Variants in EDC4 observed in about 807,000 individuals in gnomAD.
The protein encoded by EDC4 is enhancer of mRNA decapping 4, also known as enhancer of mRNA-decapping protein 4.
A neutral mutation model predicts 155.8 loss-of-function variants in EDC4; 64 were observed. The ratio of observed to expected loss-of-function variants is 0.41; its 90% CI spans 0.34 to 0.51. The LOEUF is 0.51. EDC4 is among the 20% of genes least tolerant of loss of function. The pLI is 0.19. For synonymous variants in EDC4, 684 were observed against 716.8 expected (o/e 0.95, Z 0.73); for missense variants, 1,303 against 1,812.5 (o/e 0.72, Z 5.10).
chr16:67,877,027 A>G lies in EDC4; in HGVS notation c.451+55A>G. ...GTTCTGCTGGATGTCCCACAGAGCCAGTTCCAACATCAGGCCACTCAGGCC... is the reference window on the plus strand; with the variant it reads ...GTTCTGCTGGATGTCCCACAGAGCCGGTTCCAACATCAGGCCACTCAGGCC... On this transcript the variant is annotated intron_variant, in intron 4 of 28. Transcript: ENST00000358933. The surrounding 1 kb of genome is among the most constrained non-coding windows in gnomAD (Gnocchi z 4.9). 6.2e-7 allele frequency: 1 copy of G among 1,603,876 alleles called. No individual in the cohort carries two copies. The highest frequency in any genetic ancestry group is 1.1e-5 in the South Asian group (1 of 89,546).
chr16:67,878,018 G>A lies in EDC4; in HGVS notation c.895-148G>A. ...TCTCCTTATCTAGCAGCACCCTGCAGGTCTGGCCTTCTCTAGGAACCCTGT... is the reference window on the plus strand; with the variant it reads ...TCTCCTTATCTAGCAGCACCCTGCAAGTCTGGCCTTCTCTAGGAACCCTGT... On this transcript the variant is annotated intron_variant, in intron 7 of 28. Transcript: ENST00000358933. This position sits in a 1 kb window ranked among gnomAD's most constrained non-coding sequence, Gnocchi z 5.2. 6.7e-7 allele frequency: 1 copy of A among 1,489,116 alleles called. No individual in the cohort carries two copies. Among genetic ancestry groups the A allele is most frequent in the Non-Finnish European group, 9.0e-7 (1 of 1,107,974 alleles). 92.2% of individuals were successfully genotyped at this position (1,489,116 alleles called of 1,614,324 possible).
chr16:67,880,572 T>G lies in EDC4; in HGVS notation c.2113T>G (p.Ser705Ala), dbSNP rs1161814145. 2 of 1,613,928 alleles carry G rather than the reference T, an allele frequency of 1.2e-6. No individual in the cohort carries two copies. The highest frequency in any genetic ancestry group is 1.7e-6 in the Non-Finnish European group (2 of 1,179,986). Residue 705 changes from serine to alanine, a missense_variant, in exon 18 of 29, where the codon TCT (serine) becomes GCT (alanine). Transcript: ENST00000358933. This position sits in a 1 kb window ranked among gnomAD's most constrained non-coding sequence, Gnocchi z 5.2. ...KGPGQVPTATSALSLELQEVE... is the reference protein window; with the variant it reads ...KGPGQVPTATAALSLELQEVE... ...CCCACCTCAGGTGCCTACTGCCACC[T>G]CTGCACTGTCCCTGGAGCTGCAGGA...
rs549206305 is a variant in EDC4, at chr16:67,873,412, T to C, written c.82+69T>C. The C allele has an allele frequency of 2.7e-4, 331 of 1,244,974 alleles. 1 individual carries two copies. The highest frequency in any genetic ancestry group is 2.0e-3 in the South Asian group (120 of 59,964). 77.1% of individuals were successfully genotyped at this position (1,244,974 alleles called of 1,614,324 possible). A position where few individuals can be genotyped will look rare whatever the true frequency, so the allele number is the denominator to read the frequency against. ...AGGGCGGCGCGCGTCTGAACCGCCA[T>C]TGGGGCCCACAGCTCCCTTAGGACT... On this transcript the variant is annotated intron_variant, in intron 1 of 28. Coordinates refer to ENST00000358933, the MANE Select transcript of EDC4 (RefSeq NM_014329.5).
In EDC4 at chr16:67,876,036, T is replaced by C; in HGVS notation, c.174T>C (p.Ser58=). The change falls in exon 2 of 29, where the codon AGT becomes AGC. Residue 58 remains serine, a synonymous_variant. Coordinates refer to ENST00000358933, the MANE Select transcript of EDC4 (RefSeq NM_014329.5). The surrounding 1 kb of genome is among the most constrained non-coding windows in gnomAD (Gnocchi z 5.8). ...LVPDPLCSGD[S]TSANKTGLRT... ...CAGACCCGCTCTGCTCAGGTGATAG[T>C]ACCTCAGCAAACAAGACTGGTCTTC... The C allele has an allele frequency of 1.9e-6, 3 of 1,614,226 alleles. No homozygotes were observed. In the South Asian group the frequency reaches 3.3e-5, roughly 18 times the overall value.
At position 67,884,059 on chromosome 16, in the gene EDC4, C is replaced by T; in HGVS notation, c.4117C>T (p.Leu1373=). The change falls in exon 29 of 29, where the codon CTG becomes TTG. Residue 1373 remains leucine, a synonymous_variant. Coordinates refer to ENST00000358933, the MANE Select transcript of EDC4 (RefSeq NM_014329.5). This position sits in a 1 kb window ranked among gnomAD's most constrained non-coding sequence, Gnocchi z 4.1. ...AQVRQKLFQF[L]QAEPHNSLGK... is the part of the protein sequence containing the mutation. ...GGTGCGCCAAAAGCTTTTTCAGTTCCTGCAGGCTGAGCCACACAACTCACT... is the reference window on the plus strand; with the variant it reads ...GGTGCGCCAAAAGCTTTTTCAGTTCTTGCAGGCTGAGCCACACAACTCACT... 2 of 1,614,156 alleles carry T rather than the reference C, an allele frequency of 1.2e-6. No individual in the cohort carries two copies. Among genetic ancestry groups the T allele is most frequent in the East Asian group, 4.5e-5 (2 of 44,884 alleles).
In EDC4 at chr16:67,883,825, C is replaced by A. The variant is rs992460468; in HGVS notation, c.4013+94C>A. On this transcript the variant is annotated intron_variant, in intron 28 of 28. Transcript: ENST00000358933. The surrounding 1 kb of genome is among the most constrained non-coding windows in gnomAD (Gnocchi z 5.3). ...GCTGACGCCCACTTCTGCCTGAATC[C>A]TCTCCCTAATTTTCTCCACCAGTCC... 9 of 1,549,878 alleles carry A rather than the reference C, an allele frequency of 5.8e-6. No individual in the cohort carries two copies. Among genetic ancestry groups the A allele is most frequent in the Admixed American group, 3.5e-5 (2 of 57,518 alleles).
In EDC4 at chr16:67,878,330, C is replaced by T. The variant is rs1207040062; in HGVS notation, c.1005-30C>T. On this transcript the variant is annotated intron_variant, in intron 8 of 28. Transcript: ENST00000358933. This position sits in a 1 kb window ranked among gnomAD's most constrained non-coding sequence, Gnocchi z 5.2. ...TCCCGAGGTAGCCCACCCGACCACT[C>T]ACTCAGGCCCCTCATCTGCCTACCT... 6 of 1,614,242 alleles carry T rather than the reference C, an allele frequency of 3.7e-6. No individual in the cohort carries two copies. Among genetic ancestry groups the T allele is most frequent in the Non-Finnish European group, 5.1e-6 (6 of 1,180,042 alleles).
Position 67,881,911 on chromosome 16 carries a change from A to C in EDC4, c.3005-43A>C. 1 of 1,602,716 alleles carries C rather than the reference A, an allele frequency of 6.2e-7. No homozygotes were observed. Among genetic ancestry groups the C allele is most frequent in the Non-Finnish European group, 8.5e-7 (1 of 1,171,464 alleles). On this transcript the variant is annotated intron_variant, in intron 22 of 28. Coordinates refer to ENST00000358933, the MANE Select transcript of EDC4 (RefSeq NM_014329.5). This position sits in a 1 kb window ranked among gnomAD's most constrained non-coding sequence, Gnocchi z 5.4. ...GGGCAGCATTCTTGGCCTGGGAAGG[A>C]GTACACGACCTGCTCCAGGCCCGTT...
At position 67,883,551 on chromosome 16, in the gene EDC4, G is replaced by A. The variant is rs375219878; in HGVS notation, c.3850-17G>A. ...CCTGATATTTGCTATAAACACTGCTGCTTTTTTCTCCTCCAGGCGCTGACA... is the reference window on the plus strand; with the variant it reads ...CCTGATATTTGCTATAAACACTGCTACTTTTTTCTCCTCCAGGCGCTGACA... On this transcript the variant is annotated splice_polypyrimidine_tract_variant and intron_variant, in intron 27 of 28. Transcript: ENST00000358933. This position sits in a 1 kb window ranked among gnomAD's most constrained non-coding sequence, Gnocchi z 5.3. 9.2e-5 allele frequency: 149 copies of A among 1,611,722 alleles called. No individual in the cohort carries two copies. Among genetic ancestry groups the A allele is most frequent in the Non-Finnish European group, 1.2e-4 (145 of 1,179,828 alleles).
In EDC4 at chr16:67,881,408, A is replaced by G. The variant is rs907278772; in HGVS notation, c.2780A>G (p.Lys927Arg). The G allele has an allele frequency of 1.9e-6, 3 of 1,614,142 alleles. No homozygotes were observed. Among genetic ancestry groups the G allele is most frequent in the Non-Finnish European group, 2.5e-6 (3 of 1,180,010 alleles). ...TSPKLKRKSK[K>R]DDGDAAMGSR... is the part of the protein sequence containing the mutation. ...CCCAAGCTCAAGAGGAAAAGCAAGAAGGATGATGGGTAGGGAGAAATCCTA... is the reference window on the plus strand; with the variant it reads ...CCCAAGCTCAAGAGGAAAAGCAAGAGGGATGATGGGTAGGGAGAAATCCTA... Residue 927 changes from lysine (K) to arginine (R), a missense_variant, in exon 20 of 29, where the codon AAG (lysine) becomes AGG (arginine). Coordinates refer to ENST00000358933, the MANE Select transcript of EDC4 (RefSeq NM_014329.5). This position sits in a 1 kb window ranked among gnomAD's most constrained non-coding sequence, Gnocchi z 5.4.
At position 67,877,883 on chromosome 16, in the gene EDC4, C is replaced by T. The variant is rs865900738; in HGVS notation, c.894+38C>T. On this transcript the variant is annotated intron_variant, in intron 7 of 28. Transcript: ENST00000358933. This position sits in a 1 kb window ranked among gnomAD's most constrained non-coding sequence, Gnocchi z 4.9. ...CTGCCTGCCTCCCCTGCCCTCCCCA[C>T]TTCCTCATATCCATCTTCTGTTCCC... 1 of 1,611,526 alleles carries T rather than the reference C, an allele frequency of 6.2e-7. No individual in the cohort carries two copies. Among genetic ancestry groups the T allele is most frequent in the African/African-American group, 1.3e-5 (1 of 74,992 alleles).
Position 67,877,154 on chromosome 16 carries a change from C to G in EDC4, c.452-63C>G, listed in dbSNP as rs137891960. On this transcript the variant is annotated intron_variant, in intron 4 of 28. Transcript: ENST00000358933. This position sits in a 1 kb window ranked among gnomAD's most constrained non-coding sequence, Gnocchi z 4.9. ...GGTGGCAGGGAGACAGGTGGGGCAG[C>G]GCTTCTCTGCTACTGCCTGAGCCTG... 6.8e-4 allele frequency: 1,053 copies of G among 1,551,080 alleles called. 11 individuals are homozygous for G. The African/African-American group carries it at 0.013, about 19-fold the overall frequency.
chr16:67,875,874 G>A, intron 1 of EDC4, 71 bp from the exon 2 acceptor site: 1 of 1,557,118 alleles, frequency 6.4e-7, no homozygotes, highest in South Asian at 1.2e-5. Flanking sequence ...GTTCTTGAAG[G>A]AAACTCTGAA....
chr16:67,875,862 T>G (rs1408041686), intron 1 of EDC4, 83 bp from the exon 2 acceptor site: 2 of 1,546,912 alleles, frequency 1.3e-6, no homozygotes, highest in African/African-American at 1.4e-5. Context: ...GAGCACCTCA[T>G]AGTTCTTGAA....
chr16:67,876,179 G>A lies in EDC4; in HGVS notation c.239+78G>A. 3.4e-6 allele frequency: 5 copies of A among 1,474,906 alleles called. No homozygotes were observed. The Admixed American group carries it at 5.3e-5, about 16-fold the overall frequency. 91.4% of individuals were successfully genotyped at this position (1,474,906 alleles called of 1,614,324 possible). A position where few individuals can be genotyped will look rare whatever the true frequency, so the allele number is the denominator to read the frequency against. ...TAGCTGAAGGCATGAGATGGGGAGT[G>A]AGCGGGGCCAGCAGCCTCTGCTGCT... On this transcript the variant is annotated intron_variant, in intron 2 of 28. Coordinates refer to ENST00000358933, the MANE Select transcript of EDC4 (RefSeq NM_014329.5). The surrounding 1 kb of genome is among the most constrained non-coding windows in gnomAD (Gnocchi z 5.8).
In EDC4 at chr16:67,881,410, G is replaced by T; in HGVS notation, c.2782G>T (p.Asp928Tyr). Residue 928 changes from aspartate (D) to tyrosine (Y), a missense_variant, in exon 20 of 29, where the codon GAT becomes TAT. Asp to Tyr is a radical substitution (Grantham distance 160, BLOSUM62 -3). Around this residue, in one of 5 missense-constraint regions of EDC4, gnomAD observed 527 missense variants for 757.0 expected, o/e 0.70. Transcript: ENST00000358933. This position sits in a 1 kb window ranked among gnomAD's most constrained non-coding sequence, Gnocchi z 5.4. ...CAAGCTCAAGAGGAAAAGCAAGAAG[G>T]ATGATGGGTAGGGAGAAATCCTAGG... Reference protein sequence around the residue: ...SPKLKRKSKKDDGDAAMGSRL... With the variant: ...SPKLKRKSKKYDGDAAMGSRL... 6.2e-7 allele frequency: 1 copy of T among 1,614,120 alleles called. No homozygotes were observed. The highest frequency in any genetic ancestry group is 8.5e-7 in the Non-Finnish European group (1 of 1,179,990).
At position 67,883,240 on chromosome 16, in the gene EDC4, C is replaced by G; in HGVS notation, c.3849+63C>G. 1 of 1,493,510 alleles carries G rather than the reference C, an allele frequency of 6.7e-7. No individual in the cohort carries two copies. The highest frequency in any genetic ancestry group is 1.3e-5 in the South Asian group (1 of 77,144). The allele number at this position is 1,493,510 out of a possible 1,614,324, so 92.5% of individuals were successfully genotyped here. A position where few individuals can be genotyped will look rare whatever the true frequency, so the allele number is the denominator to read the frequency against. Reference sequence around the variant, plus strand: ...CTCTTGACAAGGCCCACATACCATACATTCTACTCCACCCACCACCTTTGC... The same window carrying G: ...CTCTTGACAAGGCCCACATACCATAGATTCTACTCCACCCACCACCTTTGC... On this transcript the variant is annotated intron_variant, in intron 27 of 28. Transcript: ENST00000358933. This position sits in a 1 kb window ranked among gnomAD's most constrained non-coding sequence, Gnocchi z 5.3.
In EDC4 at chr16:67,880,781, G is replaced by A. The variant is rs766553018; in HGVS notation, c.2322G>A (p.Ser774=). The A allele has an allele frequency of 2.0e-5, 33 of 1,613,918 alleles. No homozygotes were observed. The highest frequency in any genetic ancestry group is 4.5e-5 in the East Asian group (2 of 44,882). ...LEPDSMASAA[S]ALHLLSPRPR... is the part of the protein sequence containing the mutation. Reference sequence around the variant, plus strand: ...CAGACAGTATGGCTTCAGCCGCCTCGGCACTGCACCTGCTGTCCCCACGGC... The same window carrying A: ...CAGACAGTATGGCTTCAGCCGCCTCAGCACTGCACCTGCTGTCCCCACGGC... The change falls in exon 18 of 29, where the codon TCG becomes TCA. Residue 774 remains serine (S), a synonymous_variant. Transcript: ENST00000358933. This position sits in a 1 kb window ranked among gnomAD's most constrained non-coding sequence, Gnocchi z 5.2.
rs1358433015 is a variant in EDC4, at chr16:67,882,079, C to T, written c.3130C>T (p.Arg1044Trp). ...AVAGRLERSI[R>W]DEIKKTVPPC... ...AGCTGGGCGGCTAGAGCGCAGCATACGGGATGAGATCAAGAAGACAGTCCC... is the reference window on the plus strand; with the variant it reads ...AGCTGGGCGGCTAGAGCGCAGCATATGGGATGAGATCAAGAAGACAGTCCC... Residue 1044 changes from arginine (R) to tryptophan (W), a missense_variant, in exon 23 of 29, where the codon CGG becomes TGG. Around this residue, in one of 5 missense-constraint regions of EDC4, gnomAD observed 527 missense variants for 757.0 expected, o/e 0.70. Transcript: ENST00000358933. This position sits in a 1 kb window ranked among gnomAD's most constrained non-coding sequence, Gnocchi z 7.2. The T allele has an allele frequency of 3.1e-6, 5 of 1,613,696 alleles. No individual in the cohort carries two copies. Among genetic ancestry groups the T allele is most frequent in the South Asian group, 2.2e-5 (2 of 91,070 alleles).
Sources: allele counts gnomAD v4.1 joint callset, GRCh38; gene constraint gnomAD v4.1.1; regional missense constraint gnomAD v4.1.1; non-coding constraint Gnocchi (gnomAD v3.1); transcripts MANE v1.5; gene names NCBI Gene and HGNC (gene_info 2026-07-23, HGNC 2026-07-21).